Variants in CDH12 observed in about 807,000 individuals in gnomAD.
The protein encoded by CDH12 is cadherin-12.
CDH12 carries 41 observed loss-of-function variants against 74.1 expected under a neutral mutation model. That is an observed-to-expected ratio of 0.55 (90% confidence interval 0.43 to 0.72). The LOEUF is 0.72. Ranked by LOEUF, CDH12 falls within the 30% of genes least tolerant of loss-of-function variation. The probability of loss-of-function intolerance (pLI) is 0.00; values close to 1 mark genes in which losing one functional copy is unlikely to be tolerated. For missense variants in CDH12, 945 were observed against 977.2 expected, an observed-to-expected ratio of 0.97 and a Z score of 0.44; for synonymous variants, 399 against 355.0, an observed-to-expected ratio of 1.12 and a Z score of -1.39.
chr5:22,548,647 G>T (rs1047190387), intron 1 of CDH12, among the ~76,000 whole-genome samples: 1 of 151,970 alleles, frequency 6.6e-6, no homozygotes, highest in Non-Finnish European at 1.5e-5. Context: ...GAGAATCGGT[G>T]CCTCTTGTGT....
rs961275194 is a variant in CDH12 at position 22,308,819 on chromosome 5, C to T, written c.-332-96176G>A. Among the ~76,000 whole-genome samples the T allele has an allele frequency of 1.5e-3, 211 of 141,802 alleles. 2 individuals carry two copies. The highest frequency in any genetic ancestry group is 5.1e-3 in the African/African-American group (178 of 35,192). The allele number at this position is 141,802 out of a possible 152,430, so 93.0% of individuals were successfully genotyped here. ...AAGGGCAAATACACAAACACACACA[C>T]ACACACACACACACACACACACACA... On this transcript the variant is annotated intron_variant, in intron 3 of 14. Coordinates refer to ENST00000382254, the MANE Select transcript of CDH12 (RefSeq NM_004061.5).
intron 1 of CDH12, among the ~76,000 whole-genome samples, chr5:22,628,226 A>G (rs187028960): frequency 5.5e-4 from 83 of 152,258 alleles, no homozygotes; most frequent in African/African-American, 2.0e-3. Flanking sequence ...TCAGGACTCA[A>G]ACTCGACACT....
chr5:22,624,256 T>C (rs1240057449), intron 1 of CDH12, among the ~76,000 whole-genome samples: 2 of 152,210 alleles, frequency 1.3e-5, no homozygotes, highest in East Asian at 1.9e-4. Flanking sequence ...CATGGGCAAG[T>C]ATTTCATGTC....
At chr5:22,284,529 C>T (rs72742076) in intron 3 of CDH12, among the ~76,000 whole-genome samples, 14,267 of 152,188 alleles carry the variant, frequency 0.094, 701 homozygotes, top group South Asian at 0.16. Flanking sequence ...CATCAATTTC[C>T]TGCCATGTGG....
At chr5:22,510,759 T>C (rs925535342) in intron 1 of CDH12, among the ~76,000 whole-genome samples, 8 of 152,200 alleles carry the variant, frequency 5.3e-5, no homozygotes, top group South Asian at 2.1e-4. Flanking sequence ...GTTCAATCTA[T>C]GGTTGGTTGA....
chr5:22,116,518 T>C (rs1745115370), intron 4 of CDH12, among the ~76,000 whole-genome samples: 1 of 151,670 alleles, frequency 6.6e-6, no homozygotes, highest in Middle Eastern at 3.4e-3. Flanking sequence ...GGCAGGAGAA[T>C]GGCATGAACC....
chr5:21,837,500 G>A (rs1008117109), intron 8 of CDH12, among the ~76,000 whole-genome samples: 8 of 149,850 alleles, frequency 5.3e-5, no homozygotes, highest in Non-Finnish European at 1.2e-4. Context: ...AAGTGCTTAA[G>A]AGTCACGAAC....
chr5:22,718,398 G>A (rs1453814240), intron 1 of CDH12, among the ~76,000 whole-genome samples: 1 of 152,156 alleles, frequency 6.6e-6, no homozygotes, highest in African/African-American at 2.4e-5. Flanking sequence ...ACATGTACTG[G>A]GAATGAAAGG....
intron 1 of CDH12, among the ~76,000 whole-genome samples, chr5:22,741,988 G>A (rs1192942451): frequency 3.9e-5 from 6 of 151,990 alleles, no homozygotes; most frequent in Admixed American, 2.0e-4. Context: ...CGAGACCAGC[G>A]TGGTCAATAT....
intron 6 of CDH12, among the ~76,000 whole-genome samples, chr5:21,926,302 T>C (rs1181461740): frequency 6.6e-6 from 1 of 152,226 alleles, no homozygotes; most frequent in Non-Finnish European, 1.5e-5. Context: ...AATTATTGAC[T>C]TGGCTTAAAT....
At chr5:22,331,452 T>C (rs144670264) in intron 3 of CDH12, among the ~76,000 whole-genome samples, 1,700 of 152,290 alleles carry the variant, frequency 0.011, 35 homozygotes, top group African/African-American at 0.039. Flanking sequence ...TGCTTCTAGA[T>C]TATATCTAAG....
intron 1 of CDH12, among the ~76,000 whole-genome samples, chr5:22,756,970 A>AG (rs1186988429): frequency 6.6e-6 from 1 of 152,154 alleles, no homozygotes; most frequent in Non-Finnish European, 1.5e-5. Context: ...AAAAAAAAAA[A>AG]AAATTAATTG....
chr5:22,816,893 G>C (rs543455355), intron 1 of CDH12, among the ~76,000 whole-genome samples: 2 of 152,248 alleles, frequency 1.3e-5, no homozygotes, highest in South Asian at 4.1e-4. Flanking sequence ...ACATACATAG[G>C]AAAGAAGTAG....
At chr5:22,763,389 A>G (rs1045161891) in intron 1 of CDH12, among the ~76,000 whole-genome samples, 19 of 151,960 alleles carry the variant, frequency 1.3e-4, no homozygotes, top group African/African-American at 3.4e-4. Flanking sequence ...TGTGTGAAGT[A>G]ATGTGAAAGA....
At chr5:22,210,318 A>G (rs1167937822) in intron 4 of CDH12, among the ~76,000 whole-genome samples, 13 of 134,446 alleles carry the variant, frequency 9.7e-5, no homozygotes, top group Non-Finnish European at 1.9e-4. Flanking sequence ...CCCTCAATCA[A>G]ATGAAAAATG....
chr5:21,786,445 C>T (rs1029346720), intron 10 of CDH12, among the ~76,000 whole-genome samples: 1 of 152,118 alleles, frequency 6.6e-6, no homozygotes, highest in Non-Finnish European at 1.5e-5. Flanking sequence ...AGCCACCACA[C>T]CCAGCTGGTT....
intron 1 of CDH12, among the ~76,000 whole-genome samples, chr5:22,599,734 A>G (rs1426962320): frequency 1.3e-5 from 2 of 152,192 alleles, no homozygotes; most frequent in Non-Finnish European, 2.9e-5. Flanking sequence ...ATTTAAGTAG[A>G]TATTAGTAAA....
chr5:22,187,838 G>A (rs1244568438), intron 4 of CDH12, among the ~76,000 whole-genome samples: 3 of 152,162 alleles, frequency 2.0e-5, no homozygotes, highest in Admixed American at 6.5e-5. Flanking sequence ...GTATACACGC[G>A]CTGTTCATGT....
At chr5:22,171,981 T>A (rs1227543066) in intron 4 of CDH12, among the ~76,000 whole-genome samples, 4 of 151,966 alleles carry the variant, frequency 2.6e-5, no homozygotes, top group Admixed American at 6.6e-5. Context: ...TCCTTGTCTA[T>A]GTACAGGTGT....
Sources: gnomAD v4.1 joint callset for allele counts (sites outside exome capture counted in the v4.1 genomes callset) on GRCh38, gnomAD v4.1.1 for gene constraint, MANE v1.5 for transcripts, NCBI Gene and HGNC (gene_info 2026-07-23, HGNC 2026-07-21) for gene names.